Variants in DLEC1 observed in about 807,000 individuals in gnomAD.
The protein encoded by DLEC1 is DLEC1 cilia and flagella associated protein.
In DLEC1, 146 loss-of-function variants were observed where a neutral mutation model predicts 198.1. That is an observed-to-expected ratio of 0.74 (90% CI 0.64 to 0.85). The LOEUF is 0.85. DLEC1 is among the 40% of genes least tolerant of loss of function. DLEC1 has a pLI of 0.00. For synonymous variants in DLEC1, 897 were observed against 866.8 expected (o/e 1.03, Z -0.61); for missense variants, 2,233 against 2,220.0 (o/e 1.01, Z -0.12).
rs1300796394 is a variant in DLEC1 at position 38,084,161 on chromosome 3, G to T, written c.1177G>T (p.Val393Leu). ...AGATCATCTTACCTTTCAACAGATG[G>T]TAATTGCGCTGCAGAACACCACCAC... ...DYEIGPVYEM[V>L]IALQNTTTTS... The change falls in exon 7 of 37, where the codon GTA becomes TTA. Residue 393 changes from valine to leucine, a missense_variant. Coordinates refer to ENST00000308059, the MANE Select transcript of DLEC1 (RefSeq NM_007335.4). 6.2e-7 allele frequency: 1 copy of T among 1,612,812 alleles called. No homozygotes were observed. Among genetic ancestry groups the T allele is most frequent in the East Asian group, 2.2e-5 (1 of 44,840 alleles).
rs769218478 is a variant in DLEC1 at position 38,062,760 on chromosome 3, A to G, written c.1053A>G (p.Pro351=). Residue 351 remains proline, a synonymous_variant, in exon 5 of 37, where the codon CCA becomes CCG. Transcript: ENST00000308059. ...GKSLVFPPKK[P]APIGEFQSTE... ...CTCTTGTTTTTCCTCCAAAGAAGCC[A>G]GCACCGATAGGAGAATTCCAGAGTA... is the stretch of plus-strand genomic sequence containing the variant. 1 of 1,614,074 alleles carries G rather than the reference A, an allele frequency of 6.2e-7. No homozygotes were observed. Among genetic ancestry groups the G allele is most frequent in the East Asian group, 2.2e-5 (1 of 44,880 alleles).
chr3:38,096,547 C>A, intron 14 of DLEC1, 22 bp from the exon 15 acceptor site: 1 of 1,602,042 alleles, frequency 6.2e-7, no homozygotes, highest in South Asian at 1.1e-5. Flanking sequence ...CGGCTCCTAG[C>A]TAACGGTGGG....
chr3:38,116,776 G>T lies in DLEC1; in HGVS notation c.4066G>T (p.Glu1356Ter). ...EFSHETDSSV[E>*]GSSSASNRVA... ...CTCAGTGATTCCTTGGTGACAGGTT[G>T]AGGGCAGCTCCAGTGCCAGCAATAG... The change falls in exon 29 of 37, where the codon GAG becomes TAG. Residue 1356 changes from glutamate (E) to a stop codon, truncating the protein, a stop_gained. Transcript: ENST00000308059. LOFTEE classifies it high-confidence loss of function. 2 of 1,612,024 alleles carry T rather than the reference G, an allele frequency of 1.2e-6. No individual in the cohort carries two copies. Among genetic ancestry groups the T allele is most frequent in the South Asian group, 1.1e-5 (1 of 90,746 alleles).
At chr3:38,086,947 G>T (rs1392191417) in intron 9 of DLEC1, among the ~76,000 whole-genome samples, 1 of 151,618 alleles carries the variant, frequency 6.6e-6, no homozygotes, top group Non-Finnish European at 1.5e-5. Flanking sequence ...GGTGGCATGT[G>T]CCTGTAGTCC....
intron 6 of DLEC1, among the ~76,000 whole-genome samples, chr3:38,082,040 G>C (rs552289959): frequency 7.6e-6 from 1 of 132,104 alleles, no homozygotes; most frequent in Non-Finnish European, 1.6e-5. Context: ...CTTCTCAGAC[G>C]GGGTGGTTGC....
At chr3:38,083,515 G>A (rs377376325) in intron 6 of DLEC1, among the ~76,000 whole-genome samples, 4 of 152,294 alleles carry the variant, frequency 2.6e-5, no homozygotes, top group South Asian at 4.1e-4. Flanking sequence ...GTTAAGGCAA[G>A]GACCAGCCAT....
Position 38,122,923 on chromosome 3 carries a change from G to T in DLEC1, c.*511G>T. The T allele has an allele frequency of 2.0e-6, 2 of 1,018,102 alleles. No individual in the cohort carries two copies. Among genetic ancestry groups the T allele is most frequent in the South Asian group, 1.4e-5 (1 of 70,796 alleles). The allele number at this position is 1,018,102 out of a possible 1,614,324, so 63.1% of individuals were successfully genotyped here. A position where few individuals can be genotyped will look rare whatever the true frequency, so the allele number is the denominator to read the frequency against. On this transcript the variant is annotated 3_prime_UTR_variant, in exon 37 of 37. Coordinates refer to ENST00000308059, the MANE Select transcript of DLEC1 (RefSeq NM_007335.4). The stretch of plus-strand genomic sequence containing the variant: ...TTTTCCAAATGAGTTGAAGTGCCTT[G>T]ATCTGTCCACTGCCACCACCACCAG...
intron 10 of DLEC1, among the ~76,000 whole-genome samples, chr3:38,089,144 TG>T: frequency 6.6e-6 from 1 of 152,352 alleles, no homozygotes; most frequent in East Asian, 1.9e-4. Context: ...GTCTGGCTTC[TG>T]GGGGTGGATT....
intron 6 of DLEC1, among the ~76,000 whole-genome samples, chr3:38,065,582 G>A (rs914969392): frequency 1.3e-5 from 2 of 152,202 alleles, no homozygotes; most frequent in Non-Finnish European, 2.9e-5. Flanking sequence ...ATATGCACAT[G>A]TATGTGCTGG....
chr3:38,058,094 GC>G, intron 2 of DLEC1, among the ~76,000 whole-genome samples: 1 of 152,224 alleles, frequency 6.6e-6, no homozygotes, highest in East Asian at 1.9e-4. Flanking sequence ...GAGCCACCGT[GC>G]CCGGCCCACT....
chr3:38,116,372 T>TG, intron 27 of DLEC1, 81 bp from the exon 28 acceptor site: 3 of 1,386,690 alleles, frequency 2.2e-6, no homozygotes, highest in Non-Finnish European at 3.0e-6. Context: ...CATCTCTGTC[T>TG]GGGGGTATGA....
chr3:38,049,914 A>T (rs1346666013), intron 2 of DLEC1, among the ~76,000 whole-genome samples: 1 of 152,178 alleles, frequency 6.6e-6, no homozygotes, highest in African/African-American at 2.4e-5. Flanking sequence ...GAGACCAGGG[A>T]GTACATTTCC....
chr3:38,122,418 C>T lies in DLEC1; in HGVS notation c.*6C>T, dbSNP rs376585278. On this transcript the variant is annotated 3_prime_UTR_variant, in exon 37 of 37. Transcript: ENST00000308059. The stretch of plus-strand genomic sequence containing the variant: ...TGTTGCCTCACCAGCCCTGAGGCTC[C>T]GCCCCAGCCCTCAGCCCCAGGCCCC... 5.9e-5 allele frequency: 95 copies of T among 1,613,998 alleles called. No individual in the cohort carries two copies. The highest frequency in any genetic ancestry group is 1.7e-4 in the Admixed American group (10 of 60,000).
intron 23 of DLEC1, 121 bp downstream of exon 23, chr3:38,110,402 T>G (rs1699803898): frequency 3.2e-6 from 4 of 1,233,898 alleles, no homozygotes; most frequent in Non-Finnish European, 4.6e-6. Context: ...AGTGTGTGTT[T>G]TTACAGGTAG....
At chr3:38,081,715 G>C (rs1698017754) in intron 6 of DLEC1, among the ~76,000 whole-genome samples, 2 of 70,092 alleles carry the variant, frequency 2.9e-5, no homozygotes, top group African/African-American at 5.9e-5. Context: ...CGGGCTGAGG[G>C]GCTCCTCACT....
chr3:38,091,498 AC>A (rs1575184060), intron 10 of DLEC1, among the ~76,000 whole-genome samples: 2 of 152,166 alleles, frequency 1.3e-5, no homozygotes, highest in Non-Finnish European at 2.9e-5. Flanking sequence ...AAACAAAAAA[AC>A]AAACATGAAT....
chr3:38,100,928 G>A (rs938961237), intron 19 of DLEC1, among the ~76,000 whole-genome samples: 4 of 152,010 alleles, frequency 2.6e-5, no homozygotes, highest in African/African-American at 9.7e-5. Flanking sequence ...AGGTTTCAAA[G>A]GTATTGGTAG....
At chr3:38,072,551 T>TA (rs1394955317) in intron 6 of DLEC1, among the ~76,000 whole-genome samples, 1 of 152,192 alleles carries the variant, frequency 6.6e-6, no homozygotes, top group African/African-American at 2.4e-5. Flanking sequence ...GGGCAGTCTC[T>TA]AAAGCTGTCT....
At chr3:38,054,250 G>A (rs1696232683) in intron 2 of DLEC1, among the ~76,000 whole-genome samples, 1 of 152,080 alleles carries the variant, frequency 6.6e-6, no homozygotes, top group South Asian at 2.1e-4. Context: ...CAAAAACAAG[G>A]GTTTGAAGTT....
Sources: allele counts gnomAD v4.1 joint callset (sites outside exome capture counted in the v4.1 genomes callset), GRCh38; gene constraint gnomAD v4.1.1; transcripts MANE v1.5; gene names NCBI Gene and HGNC (gene_info 2026-07-23, HGNC 2026-07-21).